ANKS1B: variants seen among roughly 807,000 people sequenced by gnomAD.
ANKS1B encodes the protein ankyrin repeat and sterile alpha motif domain containing 1B, also known as ankyrin repeat and sterile alpha motif domain-containing protein 1B.
A neutral mutation model predicts 148.3 loss-of-function variants in ANKS1B; 36 were observed. That is an observed-to-expected ratio of 0.24 (90% CI 0.19 to 0.32). The LOEUF (loss-of-function observed/expected upper bound fraction) is 0.32. Ranked by LOEUF, ANKS1B falls within the 10% of genes least tolerant of loss-of-function variation. ANKS1B has a pLI of 1.00. For missense variants in ANKS1B, 1,157 were observed against 1,542.6 expected (o/e 0.75, Z 4.19); for synonymous variants, 542 against 560.8 (o/e 0.97, Z 0.47).
chr12:98,780,274 C>T (rs900056857), intron 24 of ANKS1B, among the ~76,000 whole-genome samples: 36 of 152,184 alleles, frequency 2.4e-4, no homozygotes, highest in African/African-American at 8.7e-4. Flanking sequence ...TTTTACCCTC[C>T]TTCTGTACTT....
chr12:99,193,146 T>A (rs555614050), intron 14 of ANKS1B, among the ~76,000 whole-genome samples: 3 of 152,334 alleles, frequency 2.0e-5, no homozygotes, highest in African/African-American at 7.2e-5. Flanking sequence ...ACCTTTAATA[T>A]GCTTATTCCT....
intron 17 of ANKS1B, among the ~76,000 whole-genome samples, chr12:98,872,325 G>A: frequency 6.6e-6 from 1 of 152,148 alleles, no homozygotes; most frequent in Non-Finnish European, 1.5e-5. Flanking sequence ...GATTGCTTGA[G>A]GTCAGGAGTT....
At chr12:99,318,836 C>T (rs1332917906) in intron 12 of ANKS1B, among the ~76,000 whole-genome samples, 2 of 151,866 alleles carry the variant, frequency 1.3e-5, no homozygotes, top group African/African-American at 2.4e-5. Context: ...CTACACATTG[C>T]TTTAAATGTG....
chr12:98,950,932 T>C (rs2099853190), intron 17 of ANKS1B, among the ~76,000 whole-genome samples: 1 of 152,198 alleles, frequency 6.6e-6, no homozygotes, highest in African/African-American at 2.4e-5. Context: ...GTGTGTTCCT[T>C]CTAATAGTAC....
At chr12:98,820,572 G>A (rs1462012486) in intron 19 of ANKS1B, among the ~76,000 whole-genome samples, 2 of 152,152 alleles carry the variant, frequency 1.3e-5, no homozygotes, top group African/African-American at 4.8e-5. Context: ...AATGACTACG[G>A]AAGAGTGAGG....
intron 17 of ANKS1B, among the ~76,000 whole-genome samples, chr12:98,911,493 T>C (rs1410464420): frequency 2.6e-5 from 4 of 151,974 alleles, no homozygotes; most frequent in African/African-American, 4.8e-5. Context: ...GGAGCATGAG[T>C]TGGATTGTTT....
intron 17 of ANKS1B, among the ~76,000 whole-genome samples, chr12:98,912,171 T>A (rs1596741385): frequency 6.6e-6 from 1 of 152,204 alleles, no homozygotes. Flanking sequence ...ATAAAGAAAC[T>A]TAAAGGCAGA....
intron 12 of ANKS1B, among the ~76,000 whole-genome samples, chr12:99,348,362 G>A (rs1046585620): frequency 2.6e-5 from 4 of 151,334 alleles, no homozygotes; most frequent in African/African-American, 7.3e-5. Flanking sequence ...TGAACAAATC[G>A]AGTCTTCCTT....
intron 22 of ANKS1B, among the ~76,000 whole-genome samples, chr12:98,797,882 C>T (rs2098964245): frequency 1.3e-5 from 2 of 152,124 alleles, no homozygotes; most frequent in South Asian, 2.1e-4. Context: ...GTTAGGATTG[C>T]ACTTACTAAT....
At chr12:99,113,228 A>T (rs973738376) in intron 15 of ANKS1B, among the ~76,000 whole-genome samples, 1 of 152,134 alleles carries the variant, frequency 6.6e-6, no homozygotes, top group Non-Finnish European at 1.5e-5. Flanking sequence ...CAGAATCCCT[A>T]AACTTAACGT....
chr12:99,680,144 A>G (rs2098605672), intron 8 of ANKS1B, among the ~76,000 whole-genome samples: 1 of 152,188 alleles, frequency 6.6e-6, no homozygotes, highest in Admixed American at 6.5e-5. Context: ...GCAAAATACA[A>G]AAGTAGAAGA....
chr12:99,474,478 T>C (rs1261308100), intron 10 of ANKS1B, among the ~76,000 whole-genome samples: 1 of 151,844 alleles, frequency 6.6e-6, no homozygotes, highest in Non-Finnish European at 1.5e-5. Context: ...TTATCCCCAA[T>C]AAAAACCAAA....
At chr12:99,939,918 C>T (rs2094877268) in intron 1 of ANKS1B, among the ~76,000 whole-genome samples, 1 of 152,054 alleles carries the variant, frequency 6.6e-6, no homozygotes, top group Non-Finnish European at 1.5e-5. Context: ...ATTAAGTTTG[C>T]ACATTTAAGA....
intron 1 of ANKS1B, among the ~76,000 whole-genome samples, chr12:99,852,411 T>C (rs1379091456): frequency 6.6e-6 from 1 of 152,230 alleles, no homozygotes; most frequent in Non-Finnish European, 1.5e-5. Context: ...GGGCTATAAA[T>C]ATGCATTCAC....
intron 25 of ANKS1B, among the ~76,000 whole-genome samples, chr12:98,760,051 C>T (rs545473273): frequency 6.6e-6 from 1 of 152,242 alleles, no homozygotes; most frequent in East Asian, 1.9e-4. Context: ...TATACATATA[C>T]ACATAGATAG....
chr12:99,416,261 G>T (rs1328204414), intron 11 of ANKS1B, among the ~76,000 whole-genome samples: 1 of 152,170 alleles, frequency 6.6e-6, no homozygotes, highest in African/African-American at 2.4e-5. Flanking sequence ...CCCAATGAAG[G>T]ACATCTGGGT....
chr12:99,967,824 T>C (rs2095504400), intron 1 of ANKS1B, among the ~76,000 whole-genome samples: 2 of 150,276 alleles, frequency 1.3e-5, no homozygotes, highest in Non-Finnish European at 3.0e-5. Flanking sequence ...GGAGAATCGC[T>C]TGAACCCAGG....
intron 17 of ANKS1B, among the ~76,000 whole-genome samples, chr12:99,023,898 G>A (rs1395017357): frequency 6.7e-6 from 1 of 149,230 alleles, no homozygotes; most frequent in Non-Finnish European, 1.5e-5. Flanking sequence ...CATATTGCCT[G>A]TGTATATAAA....
intron 22 of ANKS1B, among the ~76,000 whole-genome samples, chr12:98,789,097 C>T (rs1179193790): frequency 6.6e-6 from 1 of 152,188 alleles, no homozygotes; most frequent in Non-Finnish European, 1.5e-5. Context: ...AATCTCAGCA[C>T]TCTGAGAGGC....
Sources: gnomAD v4.1 joint callset for allele counts (sites outside exome capture counted in the v4.1 genomes callset) on GRCh38, gnomAD v4.1.1 for gene constraint, MANE v1.5 for transcripts, NCBI Gene and HGNC (gene_info 2026-07-23, HGNC 2026-07-21) for gene names.